FLYWCH1: variants seen among roughly 807,000 people sequenced by gnomAD.
The protein encoded by FLYWCH1 is FLYWCH-type zinc finger-containing protein 1.
Under a neutral mutation model 66.4 loss-of-function variants are expected in FLYWCH1, and 75 were observed. That is an observed-to-expected ratio of 1.13 (90% CI 0.94 to 1.37). FLYWCH1 has a LOEUF of 1.37. FLYWCH1 is among the 40% of genes most tolerant of loss of function. The pLI is 0.00. For missense variants in FLYWCH1, 1,334 were observed against 1,001.8 expected, an observed-to-expected ratio of 1.33 and a Z score of -4.48; for synonymous variants, 595 against 429.9, an observed-to-expected ratio of 1.38 and a Z score of -4.75.
chr16:2,921,684 C>G (rs2070380550), intron 2 of FLYWCH1, among the ~76,000 whole-genome samples: 1 of 151,804 alleles, frequency 6.6e-6, no homozygotes, highest in African/African-American at 2.4e-5. Flanking sequence ...ATGGCTTGAG[C>G]CTGGGAGGCA....
intron 9 of FLYWCH1, among the ~76,000 whole-genome samples, chr16:2,948,388 G>A (rs745831749): frequency 2.0e-5 from 3 of 151,758 alleles, no homozygotes; most frequent in African/African-American, 2.4e-5. Flanking sequence ...GTGAAACCCC[G>A]TCTCTAATAA....
At chr16:2,914,514 A>G (rs2070100922) in intron 2 of FLYWCH1, among the ~76,000 whole-genome samples, 1 of 152,140 alleles carries the variant, frequency 6.6e-6, no homozygotes, top group Admixed American at 6.6e-5. Context: ...GGAGAAGGGG[A>G]GAGAGGACAG....
chr16:2,934,075 T>A, intron 6 of FLYWCH1, 96 bp downstream of exon 6: 1 of 1,361,328 alleles, frequency 7.3e-7, no homozygotes, highest in Admixed American at 2.7e-5. Context: ...CTGGCAAACG[T>A]CCTCTTCCCT....
At chr16:2,926,403 G>A (rs1338343837) in intron 2 of FLYWCH1, among the ~76,000 whole-genome samples, 1 of 151,482 alleles carries the variant, frequency 6.6e-6, no homozygotes, top group African/African-American at 2.4e-5. Context: ...TGATGCCCCT[G>A]AAAGCTATGT....
chr16:2,937,652 C>T (rs547148164), intron 7 of FLYWCH1, among the ~76,000 whole-genome samples: 1 of 152,232 alleles, frequency 6.6e-6, no homozygotes, highest in Non-Finnish European at 1.5e-5. Flanking sequence ...GCATTGGCAG[C>T]CACAGAGAGT....
intron 2 of FLYWCH1, among the ~76,000 whole-genome samples, chr16:2,915,669 A>T (rs1267336982): frequency 6.6e-6 from 1 of 152,046 alleles, no homozygotes; most frequent in African/African-American, 2.4e-5. Context: ...GCACTTTGAG[A>T]GGCCAAGGTG....
chr16:2,936,967 G>C, intron 6 of FLYWCH1, 154 bp from the exon 7 acceptor site: 4 of 817,314 alleles, frequency 4.9e-6, no homozygotes, highest in Non-Finnish European at 6.9e-6. Flanking sequence ...CCCCAGCAGA[G>C]TTGGGGGGAT....
At position 2,949,335 on chromosome 16, in the gene FLYWCH1, C is replaced by G. The variant is rs1010934897; in HGVS notation, c.*608C>G. ...GGCCTCGCTCCGCACTCCACACTTTCCTTTCTGTGCTCCTTCCAAGTTAAA... is the reference window on the plus strand; with the variant it reads ...GGCCTCGCTCCGCACTCCACACTTTGCTTTCTGTGCTCCTTCCAAGTTAAA... On this transcript the variant is annotated 3_prime_UTR_variant, in exon 10 of 10. Transcript: ENST00000253928. 1 of 152,528 alleles carries G rather than the reference C, an allele frequency of 6.6e-6. No homozygotes were observed. The highest frequency in any genetic ancestry group is 1.5e-5 in the Non-Finnish European group (1 of 68,286). The allele number at this position is 152,528 out of a possible 1,614,324, so 9.4% of individuals were successfully genotyped here.
At chr16:2,914,887 C>T (rs1026037781) in intron 2 of FLYWCH1, among the ~76,000 whole-genome samples, 15 of 133,804 alleles carry the variant, frequency 1.1e-4, no homozygotes, top group African/African-American at 3.4e-4. Flanking sequence ...CCAGCCTGGG[C>T]GACAGAGTGA....
At chr16:2,940,121 T>G in intron 9 of FLYWCH1, 29 bp downstream of exon 9, 1 of 1,023,522 alleles carries the variant, frequency 9.8e-7, no homozygotes, top group Non-Finnish European at 1.5e-6. Flanking sequence ...TAATGGTGCA[T>G]GACCAATTAC....
intron 4 of FLYWCH1, 36 bp from the exon 5 acceptor site, chr16:2,933,094 C>G: frequency 6.3e-7 from 1 of 1,580,470 alleles, no homozygotes; most frequent in Non-Finnish European, 8.6e-7. Context: ...CTCCTCTCCA[C>G]CCCTGGTGAT....
At chr16:2,936,925 C>T in intron 6 of FLYWCH1, 196 bp from the exon 7 acceptor site, 1 of 739,204 alleles carries the variant, frequency 1.4e-6, no homozygotes, top group Non-Finnish European at 2.2e-6. Flanking sequence ...GACCAGTCCC[C>T]AGCCTCAGGA....
Position 2,948,983 on chromosome 16 carries a change from A to C in FLYWCH1, c.*256A>C, listed in dbSNP as rs926356651. On this transcript the variant is annotated 3_prime_UTR_variant, in exon 10 of 10. Coordinates refer to ENST00000253928, the MANE Select transcript of FLYWCH1 (RefSeq NM_001308068.2). ...GGGGCAGGGCGGTGGCGCCTTCCTG[A>C]CCTTTGGAAGACATGACAAAGCTGC... 2.0e-6 allele frequency: 1 copy of C among 512,340 alleles called. No individual in the cohort carries two copies. Among genetic ancestry groups the C allele is most frequent in the East Asian group, 3.4e-5 (1 of 29,058 alleles). 31.7% of individuals were successfully genotyped at this position (512,340 alleles called of 1,614,324 possible). A position where few individuals can be genotyped will look rare whatever the true frequency, so the allele number is the denominator to read the frequency against.
In FLYWCH1 at chr16:2,950,315, G is replaced by T. The variant is rs955397841; in HGVS notation, c.*1588G>T. ...GCCCCCAGCTGGACTCATGGCCAAGGCTACAGACCCAGTACTCCAATCCCG... is the reference window on the plus strand; with the variant it reads ...GCCCCCAGCTGGACTCATGGCCAAGTCTACAGACCCAGTACTCCAATCCCG... On this transcript the variant is annotated 3_prime_UTR_variant, in exon 10 of 10. Coordinates refer to ENST00000253928, the MANE Select transcript of FLYWCH1 (RefSeq NM_001308068.2). 6.6e-6 allele frequency: 1 copy of T among 152,576 alleles called. No individual in the cohort carries two copies. The highest frequency in any genetic ancestry group is 2.1e-4 in the South Asian group (1 of 4,836). 9.5% of individuals were successfully genotyped at this position (152,576 alleles called of 1,614,324 possible).
At chr16:2,927,864 T>C (rs570420178) in intron 2 of FLYWCH1, among the ~76,000 whole-genome samples, 7 of 152,370 alleles carry the variant, frequency 4.6e-5, no homozygotes, top group African/African-American at 1.7e-4. Context: ...GGGCACTCTA[T>C]GTGCGAGGAC....
intron 2 of FLYWCH1, among the ~76,000 whole-genome samples, chr16:2,925,714 G>T (rs989419448): frequency 6.6e-6 from 1 of 152,160 alleles, no homozygotes; most frequent in Admixed American, 6.5e-5. Flanking sequence ...AGGCCCAGAA[G>T]GACGGCATGG....
At position 2,949,030 on chromosome 16, in the gene FLYWCH1, G is replaced by C. The variant is rs1359851151; in HGVS notation, c.*303G>C. On this transcript the variant is annotated 3_prime_UTR_variant, in exon 10 of 10. Coordinates refer to ENST00000253928, the MANE Select transcript of FLYWCH1 (RefSeq NM_001308068.2). ...CTGCCTGGACACGGACGCCCCTGCT[G>C]TACGGCCACAGCACCCCTGGGTTTG... The C allele has an allele frequency of 2.3e-6, 1 of 430,504 alleles. No individual in the cohort carries two copies. Among genetic ancestry groups the C allele is most frequent in the East Asian group, 4.8e-5 (1 of 20,868 alleles). The allele number at this position is 430,504 out of a possible 1,614,324, so 26.7% of individuals were successfully genotyped here.
In FLYWCH1 at chr16:2,933,701, C is replaced by T. The variant is rs767534543; in HGVS notation, c.1250-15C>T. 3.7e-6 allele frequency: 6 copies of T among 1,607,768 alleles called. No homozygotes were observed. The highest frequency in any genetic ancestry group is 5.1e-6 in the Non-Finnish European group (6 of 1,176,722). ...CCCCTGTCCCCTCCCCTGACTGCCT[C>T]TTGAACCTCCCCAGGAGGCCCTGAG... On this transcript the variant is annotated splice_polypyrimidine_tract_variant and intron_variant, in intron 5 of 9. Transcript: ENST00000253928.
At chr16:2,930,347 C>T in intron 3 of FLYWCH1, 63 bp from the exon 4 acceptor site, 3 of 1,072,894 alleles carry the variant, frequency 2.8e-6, no homozygotes, top group Non-Finnish European at 3.9e-6. Context: ...CTCCCTGGCT[C>T]TCTGTGCCTG....
Sources: allele counts gnomAD v4.1 joint callset (sites outside exome capture counted in the v4.1 genomes callset), GRCh38; gene constraint gnomAD v4.1.1; transcripts MANE v1.5; gene names NCBI Gene and HGNC (gene_info 2026-07-23, HGNC 2026-07-21).